SPPL2A: variants seen among roughly 807,000 people sequenced by gnomAD.
SPPL2A encodes signal peptide peptidase like 2A, also known as signal peptide peptidase-like 2A.
Under a neutral mutation model 63.8 loss-of-function variants are expected in SPPL2A, and 51 were observed. The observed-to-expected ratio is 0.80, with a 90% CI of 0.64 to 1.01. The LOEUF is 1.01. SPPL2A is among the 50% of genes least tolerant of loss of function. The pLI, the probability that SPPL2A is intolerant of heterozygous loss-of-function variation, is 0.00. For missense variants in SPPL2A, 553 were observed against 622.7 expected (o/e 0.89, Z 1.19); for synonymous variants, 188 against 205.8 (o/e 0.91, Z 0.74).
chr15:50,711,678 T>C (rs1463371003), intron 14 of SPPL2A, among the ~76,000 whole-genome samples: 1 of 152,164 alleles, frequency 6.6e-6, no homozygotes, highest in Non-Finnish European at 1.5e-5. Flanking sequence ...ATGGAAAGAC[T>C]GCCAGGGGTA....
chr15:50,741,321 ATTTAT>A (rs2062818127), intron 5 of SPPL2A, among the ~76,000 whole-genome samples: 1 of 151,208 alleles, frequency 6.6e-6, no homozygotes, highest in Admixed American at 6.6e-5. Context: ...AAAAAAGTTT[ATTTAT>A]TTTAATATAT....
At position 50,704,335 on chromosome 15, in the gene SPPL2A, T is replaced by C. The variant is rs1487722185; in HGVS notation, c.*3465A>G. 9 of 119,938 alleles carry C rather than the reference T, an allele frequency of 7.5e-5. No homozygotes were observed. Among genetic ancestry groups the C allele is most frequent in the African/African-American group, 3.0e-4 (9 of 30,436 alleles). The allele number at this position is 119,938 out of a possible 1,614,324, so 7.4% of individuals were successfully genotyped here. On this transcript the variant is annotated 3_prime_UTR_variant, in exon 15 of 15. Transcript: ENST00000261854. ...CCAGCCTGGGCAAAAAGAGCGAAAC[T>C]CTGTCTCAAAAAAAAAAAAAAAAAA...
In SPPL2A at chr15:50,704,130, G is replaced by C. The variant is rs1478068858; in HGVS notation, c.*3670C>G. 6.6e-6 allele frequency: 1 copy of C among 151,898 alleles called. No individual in the cohort carries two copies. The highest frequency in any genetic ancestry group is 1.5e-5 in the Non-Finnish European group (1 of 67,994). 9.4% of individuals were successfully genotyped at this position (151,898 alleles called of 1,614,324 possible). ...GGCTGAGGCGGGCGGATCACCTCAGGTTGGGAGTTCGAGACCAGCCTGATC... is the reference window on the plus strand; with the variant it reads ...GGCTGAGGCGGGCGGATCACCTCAGCTTGGGAGTTCGAGACCAGCCTGATC... On this transcript the variant is annotated 3_prime_UTR_variant, in exon 15 of 15. Coordinates refer to ENST00000261854, the MANE Select transcript of SPPL2A (RefSeq NM_032802.4).
At chr15:50,736,904 G>A (rs1024184645) in intron 6 of SPPL2A, among the ~76,000 whole-genome samples, 164 bp from the exon 7 acceptor site, 4 of 147,620 alleles carry the variant, frequency 2.7e-5, no homozygotes, top group Non-Finnish European at 4.5e-5. Flanking sequence ...TTTAGATCGT[G>A]AGGTTTTTTG....
intron 13 of SPPL2A, among the ~76,000 whole-genome samples, chr15:50,720,948 C>T (rs1395489389): frequency 6.6e-6 from 1 of 152,038 alleles, no homozygotes. Flanking sequence ...TTAAGTTGTC[C>T]AAAGGTACAC....
intron 12 of SPPL2A, among the ~76,000 whole-genome samples, chr15:50,723,667 G>A (rs2062664829): frequency 6.6e-6 from 1 of 152,072 alleles, no homozygotes; most frequent in Non-Finnish European, 1.5e-5. Context: ...GTAGAGATGG[G>A]GTTTCACCAT....
chr15:50,752,864 A>C (rs2062921964), intron 1 of SPPL2A, among the ~76,000 whole-genome samples: 1 of 152,160 alleles, frequency 6.6e-6, no homozygotes, highest in South Asian at 2.1e-4. Flanking sequence ...TGGAGAGGAA[A>C]GATACCCAGA....
rs528012152 is a variant in SPPL2A, at chr15:50,702,738, T to C, written c.*5062A>G. ...ATAATGACATTTTGTGGGTTGCTCC[T>C]TAATTGCCAGTAATGGAGGACTACT... On this transcript the variant is annotated 3_prime_UTR_variant, in exon 15 of 15. Transcript: ENST00000261854. 9 of 152,336 alleles carry C rather than the reference T, an allele frequency of 5.9e-5. No homozygotes were observed. In the South Asian group the frequency reaches 1.9e-3, roughly 32 times the overall value. 9.4% of individuals were successfully genotyped at this position (152,336 alleles called of 1,614,324 possible). A position where few individuals can be genotyped will look rare whatever the true frequency, so the allele number is the denominator to read the frequency against.
chr15:50,746,121 C>T (rs889088660), intron 5 of SPPL2A, among the ~76,000 whole-genome samples: 12 of 151,192 alleles, frequency 7.9e-5, no homozygotes, highest in Middle Eastern at 3.4e-3. Flanking sequence ...TCAATTTATC[C>T]GTGACTTTAT....
In SPPL2A at chr15:50,702,370, AAC is replaced by A. The variant is rs376872074; in HGVS notation, c.*5428_*5429del. ...CATAATGATAAAGTACTGCTAAATT[AAC>A]ACTTCAAAAATTTCAAATTTTAAAA... On this transcript the variant is annotated 3_prime_UTR_variant, in exon 15 of 15. Coordinates refer to ENST00000261854, the MANE Select transcript of SPPL2A (RefSeq NM_032802.4). 37 of 152,308 alleles carry A rather than the reference AAC, an allele frequency of 2.4e-4. No homozygotes were observed. The East Asian group carries it at 5.8e-3, about 24-fold the overall frequency. 9.4% of individuals were successfully genotyped at this position (152,308 alleles called of 1,614,324 possible). A position where few individuals can be genotyped will look rare whatever the true frequency, so the allele number is the denominator to read the frequency against.
At chr15:50,713,928 A>T (rs1320151626) in intron 14 of SPPL2A, among the ~76,000 whole-genome samples, 1 of 152,206 alleles carries the variant, frequency 6.6e-6, no homozygotes, top group Non-Finnish European at 1.5e-5. Context: ...TATTACAGCA[A>T]CCCTCTGAAA....
rs2062487865 is a variant in SPPL2A, at chr15:50,703,299, A to T, written c.*4501T>A. The T allele has an allele frequency of 7.0e-6, 1 of 143,842 alleles. No homozygotes were observed. Among genetic ancestry groups the T allele is most frequent in the Non-Finnish European group, 1.5e-5 (1 of 66,616 alleles). 8.9% of individuals were successfully genotyped at this position (143,842 alleles called of 1,614,324 possible). On this transcript the variant is annotated 3_prime_UTR_variant, in exon 15 of 15. Transcript: ENST00000261854. ...GATCAGGCTGAAATTTTAGAGATTA[A>T]GCCTAAATAAATTAGTTCATATATA...
chr15:50,732,757 G>A, intron 8 of SPPL2A, 73 bp from the exon 9 acceptor site: 1 of 857,684 alleles, frequency 1.2e-6, no homozygotes, highest in Non-Finnish European at 1.9e-6. Flanking sequence ...ATAGATCACT[G>A]AGGTAATATC....
chr15:50,758,346 T>C (rs1360665290), intron 1 of SPPL2A, among the ~76,000 whole-genome samples: 1 of 151,444 alleles, frequency 6.6e-6, no homozygotes, highest in African/African-American at 2.4e-5. Context: ...GCCTATTCCT[T>C]TGATCATTTA....
At chr15:50,727,792 T>C (rs2062697617) in intron 10 of SPPL2A, among the ~76,000 whole-genome samples, 2 of 152,188 alleles carry the variant, frequency 1.3e-5, no homozygotes, top group Non-Finnish European at 2.9e-5. Flanking sequence ...TTGAGTTACC[T>C]ACTAAACTAA....
intron 14 of SPPL2A, among the ~76,000 whole-genome samples, chr15:50,715,729 C>G (rs2062594870): frequency 6.6e-6 from 1 of 151,938 alleles, no homozygotes; most frequent in Non-Finnish European, 1.5e-5. Flanking sequence ...AGAAAAATTA[C>G]TAAAATGCAA....
In SPPL2A at chr15:50,722,210, C is replaced by T. The variant is rs757382728; in HGVS notation, c.1250-9G>A. 7 of 1,510,628 alleles carry T rather than the reference C, an allele frequency of 4.6e-6. No homozygotes were observed. The African/African-American group carries it at 9.6e-5, about 21-fold the overall frequency. The allele number at this position is 1,510,628 out of a possible 1,614,324, so 93.6% of individuals were successfully genotyped here. On this transcript the variant is annotated splice_polypyrimidine_tract_variant and intron_variant, in intron 12 of 14. Coordinates refer to ENST00000261854, the MANE Select transcript of SPPL2A (RefSeq NM_032802.4). ...GTATGCAATCAACAGGCCTTAAAAACAAAACAAAACATTATTTTCTTAAAA... is the reference window on the plus strand; with the variant it reads ...GTATGCAATCAACAGGCCTTAAAAATAAAACAAAACATTATTTTCTTAAAA...
At chr15:50,716,739 A>G (rs1357728096) in intron 14 of SPPL2A, among the ~76,000 whole-genome samples, 2 of 152,204 alleles carry the variant, frequency 1.3e-5, no homozygotes, top group Non-Finnish European at 2.9e-5. Flanking sequence ...AGTTAATCAG[A>G]TAAGTACCCC....
In SPPL2A at chr15:50,739,702, A is replaced by G. The variant is rs2062802737; in HGVS notation, c.711T>C (p.Leu237=). 8 of 1,590,892 alleles carry G rather than the reference A, an allele frequency of 5.0e-6. No homozygotes were observed. The highest frequency in any genetic ancestry group is 6.8e-6 in the Non-Finnish European group (8 of 1,172,654). The change falls in exon 6 of 15, where the codon CTT becomes CTC. Residue 237 remains leucine (L), a synonymous_variant. Coordinates refer to ENST00000261854, the MANE Select transcript of SPPL2A (RefSeq NM_032802.4). The part of the protein sequence containing the change: ...VVICCVMMVL[L]YFFYKWLVYV... ...TACCCAACCATTTGTAGAAGAAATA[A>G]AGTAAGACCATCATAACACAGCAGA...
Sources: allele counts gnomAD v4.1 joint callset (sites outside exome capture counted in the v4.1 genomes callset), GRCh38; gene constraint gnomAD v4.1.1; transcripts MANE v1.5; gene names NCBI Gene and HGNC (gene_info 2026-07-23, HGNC 2026-07-21).